MINDY2: variants seen among roughly 807,000 people sequenced by gnomAD.
MINDY2 encodes ubiquitin carboxyl-terminal hydrolase MINDY-2.
MINDY2 carries 52 observed loss-of-function variants against 68.2 expected under a neutral mutation model. The observed-to-expected ratio is 0.76, with a 90% CI of 0.61 to 0.96. The LOEUF (loss-of-function observed/expected upper bound fraction) is 0.96. MINDY2 is among the 40% of genes least tolerant of loss of function. The probability of loss-of-function intolerance (pLI) is 0.00; values close to 1 mark genes in which losing one functional copy is unlikely to be tolerated. For missense variants in MINDY2, 881 were observed against 773.4 expected (o/e 1.14, Z -1.65); for synonymous variants, 372 against 303.0 (o/e 1.23, Z -2.36).
chr15:58,825,081 C>T (rs988560441), intron 5 of MINDY2, among the ~76,000 whole-genome samples: 2 of 152,086 alleles, frequency 1.3e-5, no homozygotes, highest in Admixed American at 6.6e-5. Flanking sequence ...ACCTCAAAGC[C>T]GACTTGTTTC....
chr15:58,787,776 T>C, intron 1 of MINDY2, 130 bp from the exon 2 acceptor site: 2 of 432,358 alleles, frequency 4.6e-6, no homozygotes, highest in Non-Finnish European at 8.1e-6. Context: ...AAGATTCTAA[T>C]ATATGTGAAT....
intron 2 of MINDY2, among the ~76,000 whole-genome samples, chr15:58,801,504 A>C (rs1467115921): frequency 1.3e-5 from 2 of 152,036 alleles, no homozygotes; most frequent in Admixed American, 1.3e-4. Flanking sequence ...TAAAAGTATT[A>C]AAATTGTGAT....
chr15:58,779,519 G>A (rs1900998242), intron 1 of MINDY2, among the ~76,000 whole-genome samples: 2 of 152,162 alleles, frequency 1.3e-5, no homozygotes, highest in Non-Finnish European at 1.5e-5. Context: ...GTAGCACAGA[G>A]CTCTTTTGAG....
intron 5 of MINDY2, among the ~76,000 whole-genome samples, chr15:58,825,762 C>T (rs934152211): frequency 2.0e-5 from 3 of 152,094 alleles, no homozygotes; most frequent in Non-Finnish European, 4.4e-5. Context: ...CACGCCACCA[C>T]GCTGGCTAAT....
At chr15:58,803,695 A>G (rs886483895) in intron 3 of MINDY2, among the ~76,000 whole-genome samples, 1 of 152,124 alleles carries the variant, frequency 6.6e-6, no homozygotes, top group Non-Finnish European at 1.5e-5. Flanking sequence ...ATGTACCTGT[A>G]GTCCCAGCTA....
At chr15:58,813,324 A>G (rs1273519873) in intron 4 of MINDY2, among the ~76,000 whole-genome samples, 2 of 152,088 alleles carry the variant, frequency 1.3e-5, no homozygotes, top group African/African-American at 4.8e-5. Context: ...GCGAAACCCC[A>G]TCTCTACTAA....
intron 6 of MINDY2, 33 bp downstream of exon 6, chr15:58,831,949 T>G: frequency 6.3e-7 from 1 of 1,582,700 alleles, no homozygotes; most frequent in Non-Finnish European, 8.6e-7. Context: ...TAATCGTGAT[T>G]CTAAATCAAA....
At chr15:58,833,047 T>G (rs192447511) in intron 6 of MINDY2, among the ~76,000 whole-genome samples, 267 of 152,360 alleles carry the variant, frequency 1.8e-3, no homozygotes, top group Non-Finnish European at 2.8e-3. Context: ...AAACATTTAC[T>G]GTTTTACTCT....
chr15:58,831,625 T>C, intron 5 of MINDY2, 149 bp from the exon 6 acceptor site: 1 of 582,670 alleles, frequency 1.7e-6, no homozygotes, highest in Non-Finnish European at 2.9e-6. Context: ...AAAACACAAA[T>C]GTCCAGTTTG....
In MINDY2 at chr15:58,781,653, C is replaced by G. The variant is rs1208782467; in HGVS notation, c.841-6253C>G. Among the ~76,000 whole-genome samples, 4 of 151,904 alleles carry G rather than the reference C, an allele frequency of 2.6e-5. No homozygotes were observed. In the East Asian group the frequency reaches 5.8e-4, roughly 22 times the overall value. On this transcript the variant is annotated intron_variant, in intron 1 of 8. Transcript: ENST00000559228. Reference sequence around the variant, plus strand: ...AGCGCAGTGGCTCATGCCTGTAATCCCAGCACTTTGGGAGGCCAAGGCGGG... The same window carrying G: ...AGCGCAGTGGCTCATGCCTGTAATCGCAGCACTTTGGGAGGCCAAGGCGGG...
intron 3 of MINDY2, among the ~76,000 whole-genome samples, chr15:58,803,937 G>T: frequency 8.5e-6 from 1 of 117,926 alleles, no homozygotes. Context: ...TGAAACCCCA[G>T]CTCTACTGAA....
intron 2 of MINDY2, among the ~76,000 whole-genome samples, chr15:58,795,193 A>G (rs1172276284): frequency 2.0e-5 from 3 of 151,548 alleles, no homozygotes; most frequent in African/African-American, 7.3e-5. Context: ...AAATAAATAA[A>G]TAAATAAATC....
chr15:58,845,572 A>G (rs2032489120), intron 6 of MINDY2, among the ~76,000 whole-genome samples: 1 of 152,228 alleles, frequency 6.6e-6, no homozygotes, highest in African/African-American at 2.4e-5. Context: ...ATATGGAGAA[A>G]AGGGAACCCT....
intron 5 of MINDY2, among the ~76,000 whole-genome samples, chr15:58,830,145 A>G (rs1376454955): frequency 1.3e-5 from 2 of 152,208 alleles, no homozygotes; most frequent in Non-Finnish European, 2.9e-5. Flanking sequence ...CTCATTATTC[A>G]TGGTAGCTAT....
At chr15:58,783,726 T>C (rs1901305204) in intron 1 of MINDY2, among the ~76,000 whole-genome samples, 1 of 152,104 alleles carries the variant, frequency 6.6e-6, no homozygotes, top group African/African-American at 2.4e-5. Context: ...AGCAGAAGTC[T>C]GGGCTCCTGC....
intron 6 of MINDY2, among the ~76,000 whole-genome samples, chr15:58,835,852 A>C (rs1439920628): frequency 6.6e-6 from 1 of 152,136 alleles, no homozygotes; most frequent in Non-Finnish European, 1.5e-5. Flanking sequence ...AGGAATGAAG[A>C]AAGGCCAAAT....
intron 6 of MINDY2, among the ~76,000 whole-genome samples, chr15:58,835,439 G>A (rs903899575): frequency 3.3e-5 from 5 of 152,244 alleles, no homozygotes; most frequent in South Asian, 2.1e-4. Flanking sequence ...AATCACTTGA[G>A]GTCAGGAGTT....
At chr15:58,819,022 A>T (rs2030886681) in intron 4 of MINDY2, among the ~76,000 whole-genome samples, 1 of 152,252 alleles carries the variant, frequency 6.6e-6, no homozygotes, top group Admixed American at 6.5e-5. Context: ...TGCATTGCCC[A>T]GGCTGATGTG....
chr15:58,774,420 G>A (rs751233361), intron 1 of MINDY2, among the ~76,000 whole-genome samples: 48 of 150,494 alleles, frequency 3.2e-4, no homozygotes, highest in Non-Finnish European at 5.9e-4. Context: ...GGAGGTGGAG[G>A]TTGCGGTTAG....
Sources: gnomAD v4.1 joint callset for allele counts (sites outside exome capture counted in the v4.1 genomes callset) on GRCh38, gnomAD v4.1.1 for gene constraint, MANE v1.5 for transcripts, NCBI Gene and HGNC (gene_info 2026-07-23, HGNC 2026-07-21) for gene names.